KLRD1: variants seen among roughly 807,000 people sequenced by gnomAD.
KLRD1 encodes the protein natural killer cells antigen CD94.
KLRD1 carries 21 observed loss-of-function variants against 22.6 expected under a neutral mutation model. That is an observed-to-expected ratio of 0.93 (90% confidence interval 0.66 to 1.34). The LOEUF (loss-of-function observed/expected upper bound fraction) is 1.34, where lower values mean the gene tolerates loss of function less well. Among genes scored for constraint, KLRD1 ranks in the 40% most tolerant of loss-of-function variants. The probability of loss-of-function intolerance (pLI) is 0.00; values close to 1 mark genes in which losing one functional copy is unlikely to be tolerated. For synonymous variants in KLRD1, 59 were observed against 71.1 expected (o/e 0.83, Z 0.85); for missense variants, 183 against 208.6 (o/e 0.88, Z 0.76).
chr12:10,277,327 G>C (rs1949601581), intron 1 of KLRD1, among the ~76,000 whole-genome samples: 1 of 151,934 alleles, frequency 6.6e-6, no homozygotes, highest in East Asian at 1.9e-4. Flanking sequence ...GCGGAAAAGG[G>C]AAAAATATAA....
intron 1 of KLRD1, among the ~76,000 whole-genome samples, chr12:10,280,315 T>C (rs1355131205): frequency 6.6e-6 from 1 of 152,188 alleles, no homozygotes; most frequent in Non-Finnish European, 1.5e-5. Context: ...AAATTCAACA[T>C]GGGCTAGATC....
chr12:10,313,590 A>T, intron 5 of KLRD1, 77 bp downstream of exon 5: 1 of 755,904 alleles, frequency 1.3e-6, no homozygotes, highest in South Asian at 2.0e-5. Context: ...GGTAACATCC[A>T]GGAGCACTGT....
intron 1 of KLRD1, among the ~76,000 whole-genome samples, chr12:10,282,419 G>A (rs961562391): frequency 5.3e-5 from 8 of 151,824 alleles, no homozygotes; most frequent in South Asian, 2.1e-4. Context: ...TACCATGCCC[G>A]GCTAATTTTG....
intron 5 of KLRD1, among the ~76,000 whole-genome samples, 183 bp from the exon 6 acceptor site, chr12:10,314,490 T>C (rs1950176377): frequency 6.6e-6 from 1 of 152,062 alleles, no homozygotes. Flanking sequence ...AGTGAGAAAA[T>C]AACTGGGTAT....
chr12:10,268,195 G>C (rs909873227), intron 1 of KLRD1, among the ~76,000 whole-genome samples: 19 of 152,216 alleles, frequency 1.2e-4, no homozygotes, highest in Admixed American at 3.9e-4. Context: ...TAGGAGTGCA[G>C]ATGTGGAGAA....
intron 1 of KLRD1, among the ~76,000 whole-genome samples, chr12:10,289,272 AG>A (rs1949742124): frequency 6.6e-6 from 1 of 152,230 alleles, no homozygotes; most frequent in Non-Finnish European, 1.5e-5. Flanking sequence ...CTGCAGCTGC[AG>A]CTGAGCTCTT....
intron 1 of KLRD1, among the ~76,000 whole-genome samples, chr12:10,280,385 T>G (rs1214771139): frequency 1.3e-5 from 2 of 152,352 alleles, no homozygotes; most frequent in Middle Eastern, 3.4e-3. Context: ...GGAAAACATT[T>G]AAGTAGCCAA....
chr12:10,303,475 G>A (rs78957020), upstream of KLRD1, among the ~76,000 whole-genome samples: 2,478 of 152,258 alleles, frequency 0.016, 60 homozygotes, highest in African/African-American at 0.056. Flanking sequence ...CTATGTAAAT[G>A]AGAGTCCTTC....
intron 1 of KLRD1, among the ~76,000 whole-genome samples, chr12:10,259,851 A>T (rs1199446557): frequency 6.6e-6 from 1 of 152,176 alleles, no homozygotes; most frequent in African/African-American, 2.4e-5. Flanking sequence ...CTGTAATCCC[A>T]GATACTTGGG....
At position 10,254,825 on chromosome 12, in the gene KLRD1, G is replaced by A. The variant is rs1055194735; in HGVS notation, c.-101+28592G>A. Among the ~76,000 whole-genome samples the A allele has an allele frequency of 7.6e-5, 10 of 132,350 alleles. 1 individual carries two copies. The highest frequency in any genetic ancestry group is 2.4e-4 in the South Asian group (1 of 4,224). 86.8% of individuals were successfully genotyped at this position (132,350 alleles called of 152,430 possible). On this transcript the variant is annotated intron_variant, in intron 1 of 5. Coordinates refer to the KLRD1 transcript ENST00000544747. ...GGAGAATCACTTGAACCCAGGAGGC[G>A]GAGATTGCAGTGAGCTGAGATTGCG...
intron 1 of KLRD1, among the ~76,000 whole-genome samples, chr12:10,275,333 A>G (rs1000103260): frequency 6.6e-6 from 1 of 152,112 alleles, no homozygotes; most frequent in Non-Finnish European, 1.5e-5. Context: ...TAAGCTTGGG[A>G]TGAAATGGGT....
chr12:10,305,814 G>A (rs1473846879), upstream of KLRD1, among the ~76,000 whole-genome samples: 2 of 152,170 alleles, frequency 1.3e-5, no homozygotes, highest in Non-Finnish European at 2.9e-5. Flanking sequence ...GTGGAGATGA[G>A]TGGGAGAGAT....
At chr12:10,313,742 G>A (rs1950154493) in intron 5 of KLRD1, among the ~76,000 whole-genome samples, 3 of 151,914 alleles carry the variant, frequency 2.0e-5, no homozygotes, top group Admixed American at 2.0e-4. Context: ...AAAGGAGGTC[G>A]GGGTATAGGA....
chr12:10,303,554 A>T (rs1339704507), upstream of KLRD1, among the ~76,000 whole-genome samples: 1 of 152,190 alleles, frequency 6.6e-6, no homozygotes, highest in East Asian at 1.9e-4. Context: ...GATTTCCTTT[A>T]CAGATGTAAT....
chr12:10,301,070 C>A (rs544167748), upstream of KLRD1, among the ~76,000 whole-genome samples: 4 of 152,094 alleles, frequency 2.6e-5, no homozygotes, highest in African/African-American at 4.8e-5. Flanking sequence ...TCCATATCCA[C>A]AATAATGAAA....
chr12:10,291,044 A>AT (rs1037429722), intron 1 of KLRD1, among the ~76,000 whole-genome samples: 5 of 152,222 alleles, frequency 3.3e-5, no homozygotes, highest in Admixed American at 6.5e-5. Context: ...AGTCACATGA[A>AT]TTTTTTTTGT....
At chr12:10,259,670 C>A in intron 1 of KLRD1, among the ~76,000 whole-genome samples, 1 of 152,112 alleles carries the variant, frequency 6.6e-6, no homozygotes, top group East Asian at 1.9e-4. Context: ...TTCTTAAACC[C>A]AAAGAATATT....
rs1292764967 is a variant in KLRD1 at position 10,276,739 on chromosome 12, A to G, written c.-100-31239A>G. ...AAATAATGGTCAATTTCCAGTGATA[A>G]TCAAGGTGAAATTTGAGAGCCTGAT... is the stretch of plus-strand genomic sequence containing the variant. On this transcript the variant is annotated intron_variant, in intron 1 of 5. Coordinates refer to the KLRD1 transcript ENST00000544747. Among the ~76,000 whole-genome samples, 4 of 150,908 alleles carry G rather than the reference A, an allele frequency of 2.7e-5. No homozygotes were observed. The East Asian group carries it at 5.8e-4, about 22-fold the overall frequency.
At chr12:10,244,240 A>AAG (rs1407874858) in intron 1 of KLRD1, among the ~76,000 whole-genome samples, 1 of 151,966 alleles carries the variant, frequency 6.6e-6, no homozygotes, top group Non-Finnish European at 1.5e-5. Context: ...CATAAAAGAA[A>AAG]AGAGAGAGAG....
Sources: allele counts gnomAD v4.1 joint callset (sites outside exome capture counted in the v4.1 genomes callset), GRCh38; gene constraint gnomAD v4.1.1; transcripts MANE v1.5; gene names NCBI Gene and HGNC (gene_info 2026-07-23, HGNC 2026-07-21).